Variants in CYFIP1 observed in about 807,000 individuals in gnomAD.
The protein encoded by CYFIP1 is cytoplasmic FMR1-interacting protein 1.
Under a neutral mutation model 163.5 loss-of-function variants are expected in CYFIP1, and 58 were observed. The observed-to-expected ratio is 0.35, with a 90% confidence interval of 0.29 to 0.44. The LOEUF is 0.44. CYFIP1 is among the 20% of genes least tolerant of loss of function. CYFIP1 has a pLI of 1.00. For synonymous variants in CYFIP1, 663 were observed against 660.7 expected, an observed-to-expected ratio of 1.00 and a Z score of -0.05; for missense variants, 1,338 against 1,653.8, an observed-to-expected ratio of 0.81 and a Z score of 3.31.
chr15:22,952,513 G>T (rs900160072), intron 1 of CYFIP1, among the ~76,000 whole-genome samples: 1 of 151,606 alleles, frequency 6.6e-6, no homozygotes, highest in Admixed American at 6.6e-5. Flanking sequence ...AAATTAGCTG[G>T]GCATAGTGAC....
chr15:22,971,616 C>T (rs748953176), intron 1 of CYFIP1, among the ~76,000 whole-genome samples: 19 of 150,876 alleles, frequency 1.3e-4, no homozygotes, highest in Admixed American at 2.0e-4. Flanking sequence ...GCAGAGGTTG[C>T]GGTGAGCCAA....
chr15:22,911,155 G>A (rs930438451), intron 18 of CYFIP1, among the ~76,000 whole-genome samples: 17 of 151,394 alleles, frequency 1.1e-4, no homozygotes, highest in African/African-American at 3.4e-4. Flanking sequence ...CAGCCTCGGC[G>A]ACAGAGCAAG....
rs753341549 is a variant in CYFIP1 at position 22,917,814 on chromosome 15, G to A, written c.1648C>T (p.Arg550Cys). Reference protein sequence around the residue: ...KSGFDIKVPRRAVGPSSTQLY... With the variant: ...KSGFDIKVPRCAVGPSSTQLY... The stretch of plus-strand genomic sequence containing the variant: ...TGAGTGCTGGAGGGTCCCACGGCGC[G>A]GCGTGGTACTTTTATGTCGAAGCCG... The change falls in exon 15 of 31, where the codon CGC becomes TGC. Residue 550 changes from arginine (R) to cysteine (C), a missense_variant. By Grantham distance (180) the Arg-to-Cys change is radical. Transcript: ENST00000617928. The surrounding 1 kb of genome is among the most constrained non-coding windows in gnomAD (Gnocchi z 4.2). The A allele has an allele frequency of 5.6e-6, 9 of 1,612,726 alleles. No individual in the cohort carries two copies. Among genetic ancestry groups the A allele is most frequent in the East Asian group, 2.2e-5 (1 of 44,862 alleles).
chr15:22,947,801 C>G (rs1302107711), intron 1 of CYFIP1: 4 of 322,426 alleles, frequency 1.2e-5, no homozygotes, highest in Non-Finnish European at 1.8e-5. Flanking sequence ...TCTAGCTGCA[C>G]AGACAGGCTG....
chr15:22,900,256 C>T (rs1364751444), intron 22 of CYFIP1, among the ~76,000 whole-genome samples: 1 of 152,060 alleles, frequency 6.6e-6, no homozygotes, highest in Non-Finnish European at 1.5e-5. Flanking sequence ...TGGAGTGATG[C>T]CACTGCAAGC....
chr15:22,959,054 A>T lies in CYFIP1; in HGVS notation c.-6-11763T>A, dbSNP rs1028157997. Among the ~76,000 whole-genome samples the T allele has an allele frequency of 5.3e-5, 8 of 152,128 alleles. 1 individual carries two copies. The highest frequency in any genetic ancestry group is 1.7e-4 in the African/African-American group (7 of 41,434). On this transcript the variant is annotated intron_variant, in intron 1 of 30. Transcript: ENST00000617928. ...TGCCCCAGGTGGGGCCCTCAGGACA[A>T]TGAGAACATGCACCTCAGCCCAGGG...
chr15:22,951,545 C>T, intron 1 of CYFIP1: 2 of 1,287,544 alleles, frequency 1.6e-6, no homozygotes, highest in African/African-American at 3.0e-5. Flanking sequence ...CCTGCGACTC[C>T]AGCCCAGAGT....
At chr15:22,954,624 G>C (rs932451267) in intron 1 of CYFIP1, among the ~76,000 whole-genome samples, 1 of 152,122 alleles carries the variant, frequency 6.6e-6, no homozygotes, top group Non-Finnish European at 1.5e-5. Flanking sequence ...CTCGGTTTAT[G>C]TCATTGAACA....
rs772754714 is a variant in CYFIP1, at chr15:22,917,649, A to C, written c.1674+139T>G. The C allele has an allele frequency of 2.2e-4, 240 of 1,080,938 alleles. No homozygotes were observed. Among genetic ancestry groups the C allele is most frequent in the Non-Finnish European group, 2.8e-4 (222 of 784,882 alleles). 67.0% of individuals were successfully genotyped at this position (1,080,938 alleles called of 1,614,324 possible). On this transcript the variant is annotated intron_variant, in intron 15 of 30. Coordinates refer to ENST00000617928, the MANE Select transcript of CYFIP1 (RefSeq NM_014608.6). The surrounding 1 kb of genome is among the most constrained non-coding windows in gnomAD (Gnocchi z 4.2). Reference sequence around the variant, plus strand: ...TGGGTGGGAAACAGAGGAGCAGCAGAAACCACAGGCGCCACTTTCTCTGCC... The same window carrying C: ...TGGGTGGGAAACAGAGGAGCAGCAGCAACCACAGGCGCCACTTTCTCTGCC...
chr15:22,977,154 G>A (rs57245555), intron 1 of CYFIP1, among the ~76,000 whole-genome samples: 2,488 of 151,614 alleles, frequency 0.016, 77 homozygotes, highest in African/African-American at 0.056. Context: ...GGCCGAGATC[G>A]CACCATTGCA....
intron 1 of CYFIP1, among the ~76,000 whole-genome samples, chr15:22,978,352 C>CA (rs397976366): frequency 0.06 from 3,149 of 52,740 alleles, 470 homozygotes; most frequent in South Asian, 0.09. Context: ...GACTCTGTCA[C>CA]AAAAAAAAAA....
intron 12 of CYFIP1, 132 bp downstream of exon 12, chr15:22,927,774 G>T: frequency 2.3e-6 from 2 of 865,786 alleles, no homozygotes; most frequent in Non-Finnish European, 3.3e-6. Context: ...AAATCACCTT[G>T]GAAACATATC....
chr15:22,951,283 C>T, intron 1 of CYFIP1: 2 of 1,109,122 alleles, frequency 1.8e-6, no homozygotes, highest in African/African-American at 3.4e-5. Flanking sequence ...ATGTTCCTCA[C>T]TAGAAATCTA....
chr15:22,954,054 C>CA (rs1555421393), intron 1 of CYFIP1, among the ~76,000 whole-genome samples: 1 of 144,886 alleles, frequency 6.9e-6, no homozygotes, highest in African/African-American at 2.5e-5. Flanking sequence ...AAGACTGTCT[C>CA]AAAAAAACAA....
chr15:22,916,189 C>T (rs181460469), intron 16 of CYFIP1, among the ~76,000 whole-genome samples: 87 of 152,346 alleles, frequency 5.7e-4, no homozygotes, highest in Non-Finnish European at 1.1e-3. Flanking sequence ...TCAACTCAGG[C>T]ACCAGATTAC....
intron 11 of CYFIP1, among the ~76,000 whole-genome samples, chr15:22,931,339 G>A (rs1239169903): frequency 1.3e-5 from 2 of 152,094 alleles, no homozygotes; most frequent in Non-Finnish European, 2.9e-5. Context: ...TGGCCAAAAT[G>A]ACAACATGGC....
At chr15:22,953,397 GC>G (rs2062326607) in intron 1 of CYFIP1, among the ~76,000 whole-genome samples, 1 of 152,198 alleles carries the variant, frequency 6.6e-6, no homozygotes, top group Admixed American at 6.5e-5. Context: ...GCACCCCACT[GC>G]TAGAGAACAA....
intron 5 of CYFIP1, among the ~76,000 whole-genome samples, chr15:22,943,635 C>T (rs1470660431): frequency 6.6e-6 from 1 of 152,170 alleles, no homozygotes; most frequent in East Asian, 1.9e-4. Context: ...GAGCAAAATG[C>T]TCCAATAAAA....
At chr15:22,960,620 A>T (rs946121901) in intron 1 of CYFIP1, among the ~76,000 whole-genome samples, 18 of 152,260 alleles carry the variant, frequency 1.2e-4, no homozygotes, top group Admixed American at 9.8e-4. Context: ...CTGAGGTCAT[A>T]TAAATCTTTT....
Sources: gnomAD v4.1 joint callset for allele counts (sites outside exome capture counted in the v4.1 genomes callset) on GRCh38, gnomAD v4.1.1 for gene constraint, Gnocchi (gnomAD v3.1) non-coding constraint, MANE v1.5 for transcripts, NCBI Gene and HGNC (gene_info 2026-07-23, HGNC 2026-07-21) for gene names.